Variants in RHCE observed in about 807,000 individuals in gnomAD.
RHCE encodes blood group Rh(CE) polypeptide.
RHCE carries 22 observed loss-of-function variants against 43.8 expected under a neutral mutation model. The ratio of observed to expected loss-of-function variants is 0.50; its 90% CI spans 0.36 to 0.72. RHCE has a LOEUF of 0.72. Among genes scored for constraint, RHCE ranks in the 30% least tolerant of loss-of-function variants. The pLI, the probability that RHCE is intolerant of heterozygous loss-of-function variation, is 0.00. For missense variants in RHCE, 385 were observed against 525.4 expected, an observed-to-expected ratio of 0.73 and a Z score of 2.61; for synonymous variants, 156 against 210.7, an observed-to-expected ratio of 0.74 and a Z score of 2.25.
rs371793746 is a variant in RHCE at position 25,370,576 on chromosome 1, G to C, written c.1154-36C>G. 4.5e-6 allele frequency: 7 copies of C among 1,540,588 alleles called. No homozygotes were observed. In the Admixed American group the frequency reaches 5.0e-5, roughly 11 times the overall value. ...GCATAATTTAATGTTAAAAGATTTGGAGCACAGGATTTTTAATCTCAAGAT... is the reference window on the plus strand; with the variant it reads ...GCATAATTTAATGTTAAAAGATTTGCAGCACAGGATTTTTAATCTCAAGAT... On this transcript the variant is annotated intron_variant, in intron 8 of 9. Transcript: ENST00000294413.
At chr1:25,371,940 A>C in intron 8 of RHCE, among the ~76,000 whole-genome samples, 1 of 148,396 alleles carries the variant, frequency 6.7e-6, no homozygotes, top group African/African-American at 2.6e-5. Flanking sequence ...TACAACCAGC[A>C]TGACGCAGTT....
intron 3 of RHCE, among the ~76,000 whole-genome samples, chr1:25,399,772 T>C (rs1031830696): frequency 6.6e-6 from 1 of 152,174 alleles, no homozygotes; most frequent in Admixed American, 6.5e-5. Flanking sequence ...CTTGGAGTGC[T>C]TCTGAAGATA....
At chr1:25,385,117 G>C (rs1402030855) in intron 7 of RHCE, among the ~76,000 whole-genome samples, 1 of 152,166 alleles carries the variant, frequency 6.6e-6, no homozygotes, top group Non-Finnish European at 1.5e-5. Flanking sequence ...GCTGTCCACT[G>C]TCTAGGGGCC....
At chr1:25,422,650 G>T (rs564421527), upstream of RHCE, among the ~76,000 whole-genome samples, 814 of 152,302 alleles carry the variant, frequency 5.3e-3, 6 homozygotes, top group African/African-American at 0.018. Flanking sequence ...GTAGAGCTGG[G>T]ATTTAAACCC....
At position 25,385,801 on chromosome 1, in the gene RHCE, A is replaced by C. The variant is rs1225044334; in HGVS notation, c.983T>G (p.Met328Arg). Reference sequence around the variant, plus strand: ...ACCCAGCAAGCTGAAGATGGAGTGCATGACGGAGATGTGGTGAATCCCCAG... The same window carrying C: ...ACCCAGCAAGCTGAAGATGGAGTGCCTGACGGAGATGTGGTGAATCCCCAG... ...RVLGIHHISV[M>R]HSIFSLLGLL... Residue 328 changes from methionine to arginine, a missense_variant, in exon 7 of 10, where the codon ATG becomes AGG. Met to Arg is a moderately conservative substitution (Grantham distance 91). This residue lies in a region of RHCE where 82 missense variants were observed against 69.2 expected (regional missense o/e 1.18). Transcript: ENST00000294413. 1.2e-6 allele frequency: 2 copies of C among 1,614,020 alleles called. No homozygotes were observed. Among genetic ancestry groups the C allele is most frequent in the South Asian group, 2.2e-5 (2 of 91,074 alleles).
Position 25,412,734 on chromosome 1 carries a change from A to T in RHCE, c.149-3865T>A, listed in dbSNP as rs1456540102. ...TTTTTTTAAAAAAAAAAAAAAAAAA[A>T]AAAAAAAAGGCCGGGCACAGTGGCT... is the stretch of plus-strand genomic sequence containing the variant. On this transcript the variant is annotated intron_variant, in intron 1 of 9. Transcript: ENST00000294413. Among the ~76,000 whole-genome samples the T allele has an allele frequency of 3.8e-3, 572 of 150,584 alleles. 5 individuals are homozygous for T. Among genetic ancestry groups the T allele is most frequent in the African/African-American group, 0.013 (548 of 41,138 alleles).
intron 1 of RHCE, among the ~76,000 whole-genome samples, chr1:25,419,542 C>T (rs1449534836): frequency 6.6e-6 from 1 of 152,180 alleles, no homozygotes; most frequent in Non-Finnish European, 1.5e-5. Flanking sequence ...CAAGCTTCAA[C>T]TTTGTCTCAG....
intron 7 of RHCE, among the ~76,000 whole-genome samples, chr1:25,383,496 C>T (rs910896885): frequency 6.6e-6 from 1 of 152,298 alleles, no homozygotes; most frequent in Non-Finnish European, 1.5e-5. Flanking sequence ...ATCTGCACAG[C>T]AACCCTGTGA....
chr1:25,409,423 A>T (rs562105545), intron 1 of RHCE, among the ~76,000 whole-genome samples: 1 of 123,956 alleles, frequency 8.1e-6, no homozygotes, highest in Non-Finnish European at 1.8e-5. Context: ...GCTGCGAGGG[A>T]CCTGGTGAGC....
In RHCE at chr1:25,362,289, G is replaced by T; in HGVS notation, c.*238C>A. 1.1e-6 allele frequency: 1 copy of T among 905,092 alleles called. No homozygotes were observed. The highest frequency in any genetic ancestry group is 1.7e-6 in the Non-Finnish European group (1 of 604,934). 56.1% of individuals were successfully genotyped at this position (905,092 alleles called of 1,614,324 possible). ...ACTTTAATAATGTGTCTGTAACCAAGAAAATATTGATAGCATCATCCTAAT... is the reference window on the plus strand; with the variant it reads ...ACTTTAATAATGTGTCTGTAACCAATAAAATATTGATAGCATCATCCTAAT... On this transcript the variant is annotated 3_prime_UTR_variant, in exon 10 of 10. Transcript: ENST00000294413.
intron 1 of RHCE, among the ~76,000 whole-genome samples, chr1:25,412,662 C>T (rs1217614501): frequency 2.1e-5 from 3 of 140,786 alleles, no homozygotes; most frequent in East Asian, 4.2e-4. Context: ...CAGTGAGCCA[C>T]GATCACATCA....
chr1:25,394,792 T>C (rs1435994365), intron 3 of RHCE, among the ~76,000 whole-genome samples: 3 of 152,210 alleles, frequency 2.0e-5, no homozygotes, highest in Non-Finnish European at 4.4e-5. Flanking sequence ...GTTTTTCATC[T>C]CTTTGAGCTC....
intron 1 of RHCE, among the ~76,000 whole-genome samples, chr1:25,414,988 C>T (rs989748386): frequency 9.9e-5 from 15 of 152,060 alleles, no homozygotes; most frequent in Non-Finnish European, 2.9e-5. Flanking sequence ...TCTCTGCTTC[C>T]CCTAAGCATA....
intron 2 of RHCE, among the ~76,000 whole-genome samples, chr1:25,426,029 G>A (rs1170741669): frequency 6.6e-6 from 1 of 152,206 alleles, no homozygotes; most frequent in Non-Finnish European, 1.5e-5. Context: ...CTCTGTGCCT[G>A]TTTCCTCATC....
At chr1:25,391,878 G>A (rs772521070) in intron 4 of RHCE, 116 bp downstream of exon 4, 83 of 1,429,970 alleles carry the variant, frequency 5.8e-5, no homozygotes, top group Non-Finnish European at 7.6e-5. Flanking sequence ...CATGATGGAA[G>A]GGCTTCAGAC....
At chr1:25,389,250 C>T in intron 5 of RHCE, 137 bp from the exon 6 acceptor site, 3 of 1,475,154 alleles carry the variant, frequency 2.0e-6, no homozygotes, top group Non-Finnish European at 2.8e-6. Flanking sequence ...CCACCTCTCC[C>T]CTGTGTTGGG....
intron 1 of RHCE, among the ~76,000 whole-genome samples, chr1:25,416,253 T>G (rs1647418142): frequency 6.6e-6 from 1 of 151,986 alleles, no homozygotes; most frequent in Non-Finnish European, 1.5e-5. Context: ...GTTTTATGTT[T>G]TATTTATTTT....
rs969908346 is a variant in RHCE, at chr1:25,382,870, AT to A, written c.1073+2840del. On this transcript the variant is annotated intron_variant, in intron 7 of 9. Transcript: ENST00000294413. ...TGGCATTCCAGAGATGCTATTAAAAATTTTTTTTCTCCAAATAGACTTATTT... is the reference window on the plus strand; with the variant it reads ...TGGCATTCCAGAGATGCTATTAAAAATTTTTTTCTCCAAATAGACTTATTT... Among the ~76,000 whole-genome samples, 400 of 152,200 alleles carry A rather than the reference AT, an allele frequency of 2.6e-3. 2 individuals carry two copies. Among genetic ancestry groups the A allele is most frequent in the African/African-American group, 9.3e-3 (388 of 41,534 alleles).
At chr1:25,381,406 C>T (rs1335527362) in intron 7 of RHCE, among the ~76,000 whole-genome samples, 1 of 151,974 alleles carries the variant, frequency 6.6e-6, no homozygotes, top group Admixed American at 6.6e-5. Flanking sequence ...TTCTTTTAAG[C>T]CCTCACCAGA....
Sources: gnomAD v4.1 joint callset for allele counts (sites outside exome capture counted in the v4.1 genomes callset) on GRCh38, gnomAD v4.1.1 for gene constraint, gnomAD v4.1.1 regional missense constraint, MANE v1.5 for transcripts, NCBI Gene and HGNC (gene_info 2026-07-23, HGNC 2026-07-21) for gene names.